The following CDH12 variants were observed in gnomAD, a reference collection of about 807,000 sequenced individuals.
CDH12 encodes cadherin-12.
A neutral mutation model predicts 74.1 loss-of-function variants in CDH12; 41 were observed. The ratio of observed to expected loss-of-function variants is 0.55; its 90% CI spans 0.43 to 0.72. The LOEUF (loss-of-function observed/expected upper bound fraction) is 0.72, where lower values mean the gene tolerates loss of function less well. CDH12 is among the 30% of genes least tolerant of loss of function. CDH12 has a pLI of 0.00. For missense variants in CDH12, 945 were observed against 977.2 expected, an observed-to-expected ratio of 0.97 and a Z score of 0.44; for synonymous variants, 399 against 355.0, an observed-to-expected ratio of 1.12 and a Z score of -1.39.
intron 11 of CDH12, among the ~76,000 whole-genome samples, chr5:21,781,353 C>T (rs1423195865): frequency 6.6e-6 from 1 of 152,074 alleles, no homozygotes; most frequent in African/African-American, 2.4e-5. Flanking sequence ...CCCCCAACAG[C>T]AAATAATTCA....
intron 1 of CDH12, among the ~76,000 whole-genome samples, chr5:22,778,475 A>AT (rs746814554): frequency 2.0e-5 from 3 of 152,178 alleles, no homozygotes; most frequent in Non-Finnish European, 4.4e-5. Flanking sequence ...CTACTCTTGA[A>AT]TTATTCCAAC....
At chr5:22,265,007 A>G (rs566624908) in intron 3 of CDH12, among the ~76,000 whole-genome samples, 6 of 152,304 alleles carry the variant, frequency 3.9e-5, no homozygotes, top group Non-Finnish European at 8.8e-5. Flanking sequence ...TTCTTTTCAC[A>G]ATAACTTTTC....
intron 1 of CDH12, among the ~76,000 whole-genome samples, chr5:22,635,731 T>C (rs7736127): frequency 0.011 from 1,653 of 152,032 alleles, 30 homozygotes; most frequent in African/African-American, 0.038. Flanking sequence ...CTGACCAACA[T>C]GGTGAAACCT....
intron 6 of CDH12, among the ~76,000 whole-genome samples, chr5:21,855,468 G>A (rs192640744): frequency 6.7e-4 from 102 of 151,442 alleles, no homozygotes; most frequent in African/African-American, 2.5e-3. Flanking sequence ...GCTTTTCTTT[G>A]TATTTTCCTT....
intron 7 of CDH12, among the ~76,000 whole-genome samples, chr5:21,844,263 T>C (rs1325765730): frequency 6.6e-6 from 1 of 152,148 alleles, no homozygotes; most frequent in Non-Finnish European, 1.5e-5. Context: ...CTTGAAAAAG[T>C]TCTTCTCCCA....
chr5:22,603,734 C>T (rs1736961080), intron 1 of CDH12, among the ~76,000 whole-genome samples: 1 of 151,858 alleles, frequency 6.6e-6, no homozygotes, highest in African/African-American at 2.4e-5. Context: ...TTCAATAAAA[C>T]CAGATTGGGG....
intron 10 of CDH12, among the ~76,000 whole-genome samples, chr5:21,799,682 T>C (rs967674064): frequency 3.3e-5 from 5 of 152,188 alleles, no homozygotes; most frequent in Non-Finnish European, 7.3e-5. Flanking sequence ...GCTATGAGCA[T>C]TCATAATTCT....
At chr5:22,164,367 G>T in intron 4 of CDH12, among the ~76,000 whole-genome samples, 1 of 152,198 alleles carries the variant, frequency 6.6e-6, no homozygotes. Context: ...AGCTGTGCAG[G>T]AACAATGGCA....
chr5:21,973,002 G>A (rs890689445), intron 6 of CDH12, among the ~76,000 whole-genome samples: 7 of 148,932 alleles, frequency 4.7e-5, no homozygotes, highest in Admixed American at 2.7e-4. Flanking sequence ...AGGACTACTT[G>A]AGAACAGCCT....
intron 5 of CDH12, among the ~76,000 whole-genome samples, chr5:21,982,169 C>T (rs1444788280): frequency 6.6e-6 from 1 of 152,096 alleles, no homozygotes; most frequent in Non-Finnish European, 1.5e-5. Flanking sequence ...CATTCAATAG[C>T]TGTGGGAATG....
intron 1 of CDH12, among the ~76,000 whole-genome samples, chr5:22,602,488 A>AAGG: frequency 6.6e-6 from 1 of 152,272 alleles, no homozygotes; most frequent in Non-Finnish European, 1.5e-5. Flanking sequence ...CTCCAGGTTC[A>AAGG]AGGTAATCTT....
At chr5:22,293,659 C>A (rs563339737) in intron 3 of CDH12, among the ~76,000 whole-genome samples, 1 of 152,018 alleles carries the variant, frequency 6.6e-6, no homozygotes, top group African/African-American at 2.4e-5. Context: ...TACTATTCAG[C>A]CATAAAAAAG....
chr5:22,383,206 G>A (rs912642480), intron 3 of CDH12, among the ~76,000 whole-genome samples: 1 of 152,196 alleles, frequency 6.6e-6, no homozygotes, highest in Non-Finnish European at 1.5e-5. Context: ...AAATGAATAA[G>A]AGAGTTCCTC....
At chr5:22,344,371 T>C (rs932721472) in intron 3 of CDH12, among the ~76,000 whole-genome samples, 1 of 152,236 alleles carries the variant, frequency 6.6e-6, no homozygotes, top group African/African-American at 2.4e-5. Flanking sequence ...TAAAATTTCA[T>C]ATACCAGGGC....
chr5:22,367,824 G>T (rs1741096795), intron 3 of CDH12, among the ~76,000 whole-genome samples: 1 of 152,020 alleles, frequency 6.6e-6, no homozygotes, highest in South Asian at 2.1e-4. Flanking sequence ...ATTAAATTTT[G>T]TCATCTCCAT....
intron 1 of CDH12, among the ~76,000 whole-genome samples, chr5:22,720,028 C>G (rs1208857076): frequency 5.8e-5 from 5 of 85,498 alleles, no homozygotes; most frequent in African/African-American, 1.9e-4. Context: ...CTAGGATTCA[C>G]AAAAACACAA....
intron 3 of CDH12, among the ~76,000 whole-genome samples, chr5:22,343,341 G>C (rs1222679011): frequency 1.5e-4 from 23 of 148,444 alleles, no homozygotes; most frequent in South Asian, 8.4e-4. Flanking sequence ...GAGAGAGAGA[G>C]AGAGAGAGAG....
At chr5:22,494,135 C>T (rs1057072644) in intron 2 of CDH12, among the ~76,000 whole-genome samples, 1 of 152,142 alleles carries the variant, frequency 6.6e-6, no homozygotes, top group African/African-American at 2.4e-5. Flanking sequence ...ACCTTTTGTT[C>T]GACATTGTTT....
At chr5:22,027,096 G>C (rs950903142) in intron 5 of CDH12, among the ~76,000 whole-genome samples, 9 of 152,072 alleles carry the variant, frequency 5.9e-5, no homozygotes, top group South Asian at 2.1e-4. Flanking sequence ...CTTTGGTTCT[G>C]TTTATATGCT....
Sources: allele counts gnomAD v4.1 joint callset (sites outside exome capture counted in the v4.1 genomes callset), GRCh38; gene constraint gnomAD v4.1.1; transcripts MANE v1.5; gene names NCBI Gene and HGNC (gene_info 2026-07-23, HGNC 2026-07-21).